The following LOC400499 variants were observed in gnomAD, a reference collection of about 807,000 sequenced individuals.
chr16:11,494,500 C>CCAGGAG, the LOC400499 span: 1 of 382,610 alleles, frequency 2.6e-6, no homozygotes, highest in Non-Finnish European at 4.6e-6. Flanking sequence ...ACCCTCTCCA[C>CCAGGAG]CTGGAGCTTG....
the LOC400499 span, among the ~76,000 whole-genome samples, chr16:11,484,128 C>G: frequency 6.6e-6 from 1 of 150,406 alleles, no homozygotes; most frequent in East Asian, 2.0e-4. Flanking sequence ...CTGCCTCAGC[C>G]TCCCAAGCAC....
chr16:11,394,511 T>TAA, the LOC400499 span, among the ~76,000 whole-genome samples: 2 of 152,266 alleles, frequency 1.3e-5, no homozygotes, highest in Non-Finnish European at 2.9e-5. Flanking sequence ...TAAGAGTGTG[T>TAA]GTGCGCGTGC....
the LOC400499 span, among the ~76,000 whole-genome samples, chr16:11,509,921 G>C: frequency 6.8e-6 from 1 of 146,360 alleles, no homozygotes; most frequent in Non-Finnish European, 1.5e-5. Flanking sequence ...GTCTGGAAGA[G>C]TATACTGGAA....
the LOC400499 span, among the ~76,000 whole-genome samples, chr16:11,466,935 G>C: frequency 6.6e-6 from 1 of 151,742 alleles, no homozygotes; most frequent in Non-Finnish European, 1.5e-5. Context: ...GTGTGTGTGT[G>C]TGTATGCACG....
the LOC400499 span, among the ~76,000 whole-genome samples, chr16:11,500,353 A>G: frequency 6.1e-3 from 935 of 152,132 alleles, 10 homozygotes; most frequent in African/African-American, 0.022. Context: ...ACTGAAAAAA[A>G]TACAAAACTT....
the LOC400499 span, among the ~76,000 whole-genome samples, chr16:11,519,538 A>T: frequency 6.6e-6 from 1 of 152,140 alleles, no homozygotes; most frequent in Non-Finnish European, 1.5e-5. Context: ...AGACTTCAAG[A>T]CCAGCCTGGC....
chr16:11,491,649 T>TCCCACCCCCCC, the LOC400499 span: 2 of 210,386 alleles, frequency 9.5e-6, no homozygotes, highest in Non-Finnish European at 1.9e-5. Flanking sequence ...GGAGGTGCCC[T>TCCCACCCCCCC]CCCAGCCCCA....
chr16:11,403,448 CACACACATGCACACAT>C, the LOC400499 span, among the ~76,000 whole-genome samples: 1,365 of 152,260 alleles, frequency 9.0e-3, 20 homozygotes, highest in African/African-American at 0.032. Flanking sequence ...TGCATGTATA[CACACACATGCACACAT>C]ACACACATGA....
the LOC400499 span, chr16:11,462,188 C>A: frequency 9.1e-6 from 14 of 1,534,762 alleles, no homozygotes; most frequent in Non-Finnish European, 1.2e-5. Context: ...GCCCACCTGC[C>A]GTGTGAGGTT....
the LOC400499 span, among the ~76,000 whole-genome samples, chr16:11,492,470 T>A: frequency 6.6e-6 from 1 of 152,008 alleles, no homozygotes; most frequent in African/African-American, 2.4e-5. Flanking sequence ...TCAATGAGAT[T>A]AGCATGTGAA....
chr16:11,462,005 G>A, the LOC400499 span: 1 of 962,572 alleles, frequency 1.0e-6, no homozygotes, highest in East Asian at 3.1e-5. Flanking sequence ...CCTTGGATGG[G>A]ATGTTGATAT....
At chr16:11,456,617 A>C in the LOC400499 span, among the ~76,000 whole-genome samples, 1 of 151,982 alleles carries the variant, frequency 6.6e-6, no homozygotes, top group Non-Finnish European at 1.5e-5. Flanking sequence ...AAATTAAGAC[A>C]GGTTCCTACT....
chr16:11,421,318 G>C, the LOC400499 span, among the ~76,000 whole-genome samples: 13 of 152,148 alleles, frequency 8.5e-5, no homozygotes, highest in African/African-American at 2.9e-4. Flanking sequence ...GCATTCCCAG[G>C]GTCTAGTCAA....
At chr16:11,375,191 A>T in the LOC400499 span, among the ~76,000 whole-genome samples, 1 of 142,994 alleles carries the variant, frequency 7.0e-6, no homozygotes, top group African/African-American at 2.7e-5. Flanking sequence ...CCATAGCTGC[A>T]GCACCATTTT....
the LOC400499 span, among the ~76,000 whole-genome samples, chr16:11,452,127 C>T: frequency 6.6e-6 from 1 of 151,224 alleles, no homozygotes; most frequent in Non-Finnish European, 1.5e-5. Context: ...GATCTTATTT[C>T]ACTTTATAGA....
At chr16:11,450,904 T>G in the LOC400499 span, 3 of 1,231,070 alleles carry the variant, frequency 2.4e-6, no homozygotes, top group Non-Finnish European at 3.4e-6. Context: ...GAGAGTCTCA[T>G]CACAGCCGCA....
At chr16:11,460,440 G>A in the LOC400499 span, 4 of 1,494,750 alleles carry the variant, frequency 2.7e-6, no homozygotes, top group Non-Finnish European at 3.6e-6. Context: ...TGACTCTAGT[G>A]CTCTCTCCGG....
the LOC400499 span, chr16:11,440,886 A>T: frequency 2.5e-6 from 1 of 399,078 alleles, no homozygotes. Flanking sequence ...GCTAACAGCC[A>T]AGCTCTGGGT....
the LOC400499 span, among the ~76,000 whole-genome samples, chr16:11,462,922 C>T: frequency 2.7e-4 from 41 of 152,286 alleles, no homozygotes; most frequent in African/African-American, 9.6e-4. Flanking sequence ...GCTGGAGCCC[C>T]GGTCATCGGC....
Sources: gnomAD v4.1 joint callset for allele counts (sites outside exome capture counted in the v4.1 genomes callset) on GRCh38, gnomAD v4.1.1 for gene constraint, MANE v1.5 for transcripts.